The following BTG4 variants were observed in gnomAD, a reference collection of about 807,000 sequenced individuals.
BTG4 encodes the protein protein BTG4.
In BTG4, 10 loss-of-function variants were observed where a neutral mutation model predicts 19.3. The observed-to-expected ratio is 0.52, with a 90% CI of 0.32 to 0.88. BTG4 has a LOEUF of 0.88. Ranked by LOEUF, BTG4 falls within the 40% of genes least tolerant of loss-of-function variation. The pLI, the probability that BTG4 is intolerant of heterozygous loss-of-function variation, is 0.04. For synonymous variants in BTG4, 91 were observed against 95.7 expected (o/e 0.95, Z 0.29); for missense variants, 238 against 281.9 (o/e 0.84, Z 1.11).
At chr11:111,445,243 T>A in the BTG4 span, among the ~76,000 whole-genome samples, 2 of 152,182 alleles carry the variant, frequency 1.3e-5, no homozygotes, top group Admixed American at 6.5e-5. Flanking sequence ...AAATGAGATG[T>A]TGGAATGAAC....
the BTG4 span, among the ~76,000 whole-genome samples, chr11:111,439,734 A>G: frequency 6.6e-6 from 1 of 152,098 alleles, no homozygotes; most frequent in Non-Finnish European, 1.5e-5. Context: ...CACTTCACCT[A>G]TAGGAGTCAT....
At chr11:111,457,861 G>C in the BTG4 span, 3 of 152,334 alleles carry the variant, frequency 2.0e-5, no homozygotes, top group African/African-American at 7.2e-5. Context: ...TACTTGTACT[G>C]GGAGGGCTGC....
the BTG4 span, among the ~76,000 whole-genome samples, chr11:111,396,403 C>T: frequency 6.6e-6 from 1 of 152,210 alleles, no homozygotes; most frequent in Admixed American, 6.5e-5. Context: ...CCTTCCCAAC[C>T]AAGTCTACCC....
chr11:111,482,373 C>A (rs1864795134), intron 5 of BTG4, among the ~76,000 whole-genome samples: 1 of 152,028 alleles, frequency 6.6e-6, no homozygotes, highest in African/African-American at 2.4e-5. Flanking sequence ...TAGAGACATC[C>A]TTTCTCTCCA....
At chr11:111,387,735 T>A in the BTG4 span, among the ~76,000 whole-genome samples, 6 of 152,336 alleles carry the variant, frequency 3.9e-5, no homozygotes, top group African/African-American at 1.4e-4. Flanking sequence ...CCATAAATGA[T>A]CTTGGAAGAT....
chr11:111,465,934 A>G (rs1175145170), downstream of BTG4, among the ~76,000 whole-genome samples: 2 of 152,178 alleles, frequency 1.3e-5, no homozygotes, highest in African/African-American at 2.4e-5. Flanking sequence ...GAACTTGACC[A>G]ATCTCATTAT....
the BTG4 span, among the ~76,000 whole-genome samples, chr11:111,392,855 T>C: frequency 3.3e-5 from 5 of 152,116 alleles, no homozygotes; most frequent in Non-Finnish European, 7.4e-5. Flanking sequence ...GTATGTACAT[T>C]ATAGAATTCT....
At chr11:111,396,573 G>A in the BTG4 span, among the ~76,000 whole-genome samples, 2 of 152,226 alleles carry the variant, frequency 1.3e-5, no homozygotes, top group Admixed American at 6.5e-5. Context: ...CAAGATAAAT[G>A]TAACCACGAA....
At chr11:111,448,139 C>G in the BTG4 span, among the ~76,000 whole-genome samples, 1 of 152,198 alleles carries the variant, frequency 6.6e-6, no homozygotes, top group African/African-American at 2.4e-5. Context: ...TCCAGAGTGC[C>G]ACATGCCTGA....
rs1463633973 is a variant in BTG4, at chr11:111,506,719, T to G, written c.-27+5462A>C. 2.6e-5 allele frequency among the ~76,000 whole-genome samples: 4 copies of G among 152,176 alleles called. No individual in the cohort carries two copies. In the East Asian group the frequency reaches 7.7e-4, roughly 29 times the overall value. On this transcript the variant is annotated intron_variant, in intron 1 of 4. Coordinates refer to ENST00000692032, the MANE Select transcript of BTG4 (RefSeq NM_001367975.1). Reference sequence around the variant, plus strand: ...TAAATATGTGTATATGTATCAGCACTCTATACCATTATAATAAAATGCTGA... The same window carrying G: ...TAAATATGTGTATATGTATCAGCACGCTATACCATTATAATAAAATGCTGA...
chr11:111,486,215 C>A (rs911399005), intron 5 of BTG4, among the ~76,000 whole-genome samples: 2 of 152,146 alleles, frequency 1.3e-5, no homozygotes, highest in Non-Finnish European at 2.9e-5. Flanking sequence ...GTGGGTAGAT[C>A]ACTTGAGCCC....
In BTG4 at chr11:111,497,428, T is replaced by G. The variant is rs1204030317; in HGVS notation, c.312-19A>C. The G allele has an allele frequency of 1.5e-6, 2 of 1,364,344 alleles. No individual in the cohort carries two copies. The highest frequency in any genetic ancestry group is 1.9e-6 in the Non-Finnish European group (2 of 1,044,940). The allele number at this position is 1,364,344 out of a possible 1,614,324, so 84.5% of individuals were successfully genotyped here. A position where few individuals can be genotyped will look rare whatever the true frequency, so the allele number is the denominator to read the frequency against. ...ACCATACCTAAGTAGGAAAAGAAATTTAAGTGCTAATTAGCGATTCAACTT... is the reference window on the plus strand; with the variant it reads ...ACCATACCTAAGTAGGAAAAGAAATGTAAGTGCTAATTAGCGATTCAACTT... On this transcript the variant is annotated intron_variant, in intron 3 of 4. Transcript: ENST00000692032.
the BTG4 span, chr11:111,416,516 T>C: frequency 1.3e-5 from 2 of 152,064 alleles, no homozygotes; most frequent in Non-Finnish European, 2.9e-5. Flanking sequence ...AGTCACATCA[T>C]GGAAGGGAGT....
chr11:111,428,670 A>G, the BTG4 span, among the ~76,000 whole-genome samples: 1 of 152,188 alleles, frequency 6.6e-6, no homozygotes, highest in African/African-American at 2.4e-5. Context: ...GAACTTCTCT[A>G]CGCAGAGTTA....
At position 111,498,729 on chromosome 11, in the gene BTG4, CACCA is replaced by C; in HGVS notation, c.44_47del (p.Leu15Ter). ...GTTTACTTAGTTTATCATGTTTTTT[CACCA>C]ATCTTGTGACAAAGAAAACTGTTGT... is the stretch of plus-strand genomic sequence containing the variant. On this transcript the variant is annotated frameshift_variant, in exon 2 of 5. Coordinates refer to ENST00000692032, the MANE Select transcript of BTG4 (RefSeq NM_001367975.1). LOFTEE classifies it high-confidence loss of function. 8.7e-6 allele frequency: 14 copies of C among 1,613,086 alleles called. No homozygotes were observed. Among genetic ancestry groups the C allele is most frequent in the Non-Finnish European group, 1.1e-5 (13 of 1,179,646 alleles).
chr11:111,406,469 C>A, the BTG4 span, among the ~76,000 whole-genome samples: 1 of 152,214 alleles, frequency 6.6e-6, no homozygotes, highest in Non-Finnish European at 1.5e-5. Context: ...CTTGCCTCTG[C>A]TCACTTTTCA....
At chr11:111,500,581 C>G (rs1866008115) in intron 1 of BTG4, among the ~76,000 whole-genome samples, 1 of 152,170 alleles carries the variant, frequency 6.6e-6, no homozygotes, top group Non-Finnish European at 1.5e-5. Context: ...CTTTGTGGAG[C>G]CTAAATAGTC....
At chr11:111,446,191 T>C in the BTG4 span, among the ~76,000 whole-genome samples, 7 of 152,166 alleles carry the variant, frequency 4.6e-5, no homozygotes, top group Non-Finnish European at 8.8e-5. Flanking sequence ...GTGATTGGTA[T>C]GGAGCGAACA....
At chr11:111,442,026 T>C in the BTG4 span, among the ~76,000 whole-genome samples, 26 of 151,762 alleles carry the variant, frequency 1.7e-4, no homozygotes, top group African/African-American at 6.1e-4. Context: ...ACCAGTGTAC[T>C]CCAGCCTGGG....
Sources: gnomAD v4.1 joint callset for allele counts (sites outside exome capture counted in the v4.1 genomes callset) on GRCh38, gnomAD v4.1.1 for gene constraint, MANE v1.5 for transcripts, NCBI Gene and HGNC (gene_info 2026-07-23, HGNC 2026-07-21) for gene names.